Variants in MANBA observed in about 807,000 individuals in gnomAD.
MANBA encodes beta-mannosidase.
A neutral mutation model predicts 111.1 loss-of-function variants in MANBA; 83 were observed. The ratio of observed to expected loss-of-function variants is 0.75; its 90% CI spans 0.63 to 0.90. The LOEUF (loss-of-function observed/expected upper bound fraction) is 0.90. Ranked by LOEUF, MANBA falls within the 40% of genes least tolerant of loss-of-function variation. The pLI is 0.00. For missense variants in MANBA, 1,036 were observed against 1,069.0 expected (o/e 0.97, Z 0.43); for synonymous variants, 370 against 378.7 (o/e 0.98, Z 0.27).
At chr4:102,722,377 A>C (rs1722616689) in intron 4 of MANBA, 1 of 169,596 alleles carries the variant, frequency 5.9e-6, no homozygotes, top group African/African-American at 2.4e-5. Flanking sequence ...AAATAGATCC[A>C]AGTCCTCTTA....
At chr4:102,744,044 C>A (rs182750368) in intron 1 of MANBA, among the ~76,000 whole-genome samples, 1 of 152,320 alleles carries the variant, frequency 6.6e-6, no homozygotes, top group African/African-American at 2.4e-5. Flanking sequence ...TGTTGCAGAA[C>A]CTTCTCCTGT....
chr4:102,690,447 T>C (rs1191014341), intron 6 of MANBA, 149 bp downstream of exon 6: 5 of 678,624 alleles, frequency 7.4e-6, no homozygotes, highest in Admixed American at 2.3e-5. Flanking sequence ...TCACAGAAAA[T>C]ATATGAGAGA....
chr4:102,741,166 A>T (rs1723388789), intron 1 of MANBA, among the ~76,000 whole-genome samples: 1 of 152,254 alleles, frequency 6.6e-6, no homozygotes, highest in South Asian at 2.1e-4. Context: ...TCAAAAGAAG[A>T]TATACAAATA....
intron 13 of MANBA, among the ~76,000 whole-genome samples, chr4:102,646,284 C>A (rs1488782469): frequency 6.6e-6 from 1 of 152,108 alleles, no homozygotes; most frequent in African/African-American, 2.4e-5. Context: ...CCTTTGCCCA[C>A]CCTACTCTCA....
At chr4:102,736,487 A>G (rs1237056555) in intron 1 of MANBA, among the ~76,000 whole-genome samples, 1 of 152,196 alleles carries the variant, frequency 6.6e-6, no homozygotes, top group African/African-American at 2.4e-5. Flanking sequence ...TCCACTCCCC[A>G]GTTCTGCTTC....
chr4:102,650,239 C>A lies in MANBA; in HGVS notation c.1869+298G>T, dbSNP rs532099764. Among the ~76,000 whole-genome samples the A allele has an allele frequency of 5.9e-4, 90 of 152,264 alleles. 1 individual carries two copies. The highest frequency in any genetic ancestry group is 2.1e-3 in the African/African-American group (87 of 41,546). ...ATTGTGTTCCATTGTTCTATTTTAT[C>A]CTTGGGAAATGGCACTGTCTTAATT... On this transcript the variant is annotated intron_variant, in intron 13 of 16. Coordinates refer to ENST00000647097, the MANE Select transcript of MANBA (RefSeq NM_005908.4).
intron 10 of MANBA, chr4:102,668,102 G>A (rs552796181): frequency 6.6e-6 from 1 of 152,220 alleles, no homozygotes; most frequent in South Asian, 2.1e-4. Flanking sequence ...GATTCTACAT[G>A]GAAACCCATG....
At chr4:102,657,554 C>T in intron 12 of MANBA, 128 bp downstream of exon 12, 2 of 783,548 alleles carry the variant, frequency 2.6e-6, no homozygotes, top group Non-Finnish European at 4.2e-6. Flanking sequence ...TATTTTCCTC[C>T]ATCTTCTTCT....
intron 1 of MANBA, chr4:102,729,168 G>A (rs1227509552): frequency 4.1e-6 from 3 of 724,102 alleles, no homozygotes; most frequent in Non-Finnish European, 7.7e-6. Flanking sequence ...AGACATCTGT[G>A]ATGGTGCCCT....
chr4:102,689,502 CA>C lies in MANBA; in HGVS notation c.960+71del. ...GAGTTTTGACGGTTTCTTCTTTTCC[CA>C]TGAAGATCTGTATTACTATTTTTAA... On this transcript the variant is annotated intron_variant, in intron 7 of 16. Coordinates refer to ENST00000647097, the MANE Select transcript of MANBA (RefSeq NM_005908.4). The C allele has an allele frequency of 3.1e-6, 3 of 975,378 alleles. No individual in the cohort carries two copies. The South Asian group carries it at 4.5e-5, about 15-fold the overall frequency. The allele number at this position is 975,378 out of a possible 1,614,324, so 60.4% of individuals were successfully genotyped here. A position where few individuals can be genotyped will look rare whatever the true frequency, so the allele number is the denominator to read the frequency against.
At chr4:102,756,101 T>G (rs1724000962) in intron 1 of MANBA, among the ~76,000 whole-genome samples, 3 of 152,220 alleles carry the variant, frequency 2.0e-5, no homozygotes, top group African/African-American at 7.2e-5. Flanking sequence ...AAATACCATT[T>G]GACCCAGCCA....
rs56839100 is a variant in MANBA at position 102,678,113 on chromosome 4, T to C, written c.961-4043A>G. The stretch of plus-strand genomic sequence containing the variant: ...ATATACATTAATGCTACAAATTGTA[T>C]TAACTATACAACATAACACTTTCCA... On this transcript the variant is annotated intron_variant, in intron 7 of 16. Coordinates refer to ENST00000647097, the MANE Select transcript of MANBA (RefSeq NM_005908.4). Among the ~76,000 whole-genome samples, 1,406 of 152,318 alleles carry C rather than the reference T, an allele frequency of 9.2e-3. 28 individuals are homozygous for C. Among genetic ancestry groups the C allele is most frequent in the African/African-American group, 0.032 (1,334 of 41,568 alleles).
intron 12 of MANBA, among the ~76,000 whole-genome samples, chr4:102,654,271 G>T (rs796972212): frequency 6.6e-6 from 1 of 152,082 alleles, no homozygotes; most frequent in Admixed American, 6.6e-5. Context: ...TGAAACAACA[G>T]TATTCCCAAA....
intron 12 of MANBA, among the ~76,000 whole-genome samples, chr4:102,653,514 T>G (rs1730433608): frequency 6.6e-6 from 1 of 152,344 alleles, no homozygotes; most frequent in African/African-American, 2.4e-5. Context: ...GTTGAATACA[T>G]GAAAGAGCTT....
intron 7 of MANBA, among the ~76,000 whole-genome samples, chr4:102,688,969 C>T (rs1732347438): frequency 6.6e-6 from 1 of 152,180 alleles, no homozygotes; most frequent in African/African-American, 2.4e-5. Flanking sequence ...TTTAAAATTA[C>T]ACATGTATTA....
At chr4:102,675,314 G>A (rs1015948356) in intron 7 of MANBA, among the ~76,000 whole-genome samples, 2 of 152,200 alleles carry the variant, frequency 1.3e-5, no homozygotes, top group Non-Finnish European at 2.9e-5. Context: ...ACTACATGAT[G>A]TGTGCCTACT....
chr4:102,751,081 T>C (rs189411953), intron 1 of MANBA, among the ~76,000 whole-genome samples: 6 of 152,318 alleles, frequency 3.9e-5, no homozygotes, highest in African/African-American at 1.4e-4. Context: ...TCACCCAAAG[T>C]TTAACAAAAT....
At chr4:102,746,769 G>A (rs891788783) in intron 1 of MANBA, among the ~76,000 whole-genome samples, 5 of 152,052 alleles carry the variant, frequency 3.3e-5, no homozygotes, top group African/African-American at 9.7e-5. Context: ...TCAGGAGATC[G>A]AGACCATCCT....
chr4:102,704,415 G>C (rs1733203657), intron 5 of MANBA, among the ~76,000 whole-genome samples: 1 of 152,012 alleles, frequency 6.6e-6, no homozygotes, highest in African/African-American at 2.4e-5. Flanking sequence ...GTGATCCTTT[G>C]AACTTGGTCT....
Sources: gnomAD v4.1 joint callset for allele counts (sites outside exome capture counted in the v4.1 genomes callset) on GRCh38, gnomAD v4.1.1 for gene constraint, MANE v1.5 for transcripts, NCBI Gene and HGNC (gene_info 2026-07-23, HGNC 2026-07-21) for gene names.